The following CCDC91 variants were observed in gnomAD, a reference collection of about 807,000 sequenced individuals.
CCDC91 encodes the protein coiled-coil domain-containing protein 91.
CCDC91 carries 48 observed loss-of-function variants against 63.2 expected under a neutral mutation model. That is an observed-to-expected ratio of 0.76 (90% CI 0.60 to 0.97). CCDC91 has a LOEUF of 0.97. CCDC91 is among the 50% of genes least tolerant of loss of function. The pLI is 0.00. For synonymous variants in CCDC91, 167 were observed against 165.8 expected (o/e 1.01, Z -0.06); for missense variants, 500 against 494.6 (o/e 1.01, Z -0.10).
chr12:28,305,586 C>T (rs760194669), intron 3 of CCDC91, 63 bp from the exon 4 acceptor site: 24 of 1,382,000 alleles, frequency 1.7e-5, no homozygotes, highest in Non-Finnish European at 2.3e-5. Context: ...TCCTTTCAAC[C>T]TGTTCCCTCT....
intron 8 of CCDC91, among the ~76,000 whole-genome samples, chr12:28,413,373 C>A (rs1165703415): frequency 1.3e-5 from 2 of 151,908 alleles, no homozygotes; most frequent in Non-Finnish European, 2.9e-5. Context: ...CTTCTTGCCT[C>A]TTCTCCCTCC....
At chr12:28,400,790 C>T (rs369179064) in intron 8 of CCDC91, among the ~76,000 whole-genome samples, 3 of 152,152 alleles carry the variant, frequency 2.0e-5, no homozygotes, top group African/African-American at 4.8e-5. Context: ...GACAAAATGC[C>T]GCCAGTCTCT....
At position 28,374,249 on chromosome 12, in the gene CCDC91, A is replaced by G. The variant is rs542803918; in HGVS notation, c.654+11734A>G. 5.3e-5 allele frequency among the ~76,000 whole-genome samples: 8 copies of G among 152,290 alleles called. No homozygotes were observed. In the South Asian group the frequency reaches 1.7e-3, roughly 32 times the overall value. On this transcript the variant is annotated intron_variant, in intron 7 of 12. Coordinates refer to ENST00000536442, the MANE Select transcript of CCDC91 (RefSeq NM_018318.5). ...CAAAAATGATTATCCTGAGGTCAGT[A>G]TTATGAAAGACTCATGACATTCTCT... is the stretch of plus-strand genomic sequence containing the variant.
At chr12:28,450,080 A>G in intron 8 of CCDC91, 81 bp from the exon 9 acceptor site, 1 of 756,634 alleles carries the variant, frequency 1.3e-6, no homozygotes, top group Non-Finnish European at 2.1e-6. Context: ...TTTCTGGACA[A>G]ATGAATTCTA....
At chr12:28,491,677 A>C (rs1035620519) in intron 12 of CCDC91, among the ~76,000 whole-genome samples, 1 of 151,836 alleles carries the variant, frequency 6.6e-6, no homozygotes, top group Non-Finnish European at 1.5e-5. Context: ...AAGAATAAGC[A>C]AATTTATATA....
chr12:28,320,384 T>G (rs967323597), intron 6 of CCDC91, among the ~76,000 whole-genome samples: 10 of 151,880 alleles, frequency 6.6e-5, no homozygotes, highest in Non-Finnish European at 1.5e-4. Flanking sequence ...GTGAGTTTTT[T>G]CTTTTTTTTT....
At chr12:28,383,250 C>T in intron 7 of CCDC91, among the ~76,000 whole-genome samples, 1 of 152,110 alleles carries the variant, frequency 6.6e-6, no homozygotes, top group East Asian at 1.9e-4. Context: ...TAGATCTACA[C>T]CCATAAGTTA....
intron 1 of CCDC91, among the ~76,000 whole-genome samples, chr12:28,252,034 A>G (rs1592110170): frequency 1.3e-5 from 2 of 152,044 alleles, no homozygotes; most frequent in Non-Finnish European, 2.9e-5. Flanking sequence ...TCTTCCCTCA[A>G]TTATATGTTG....
intron 12 of CCDC91, among the ~76,000 whole-genome samples, chr12:28,541,006 A>G (rs1175688250): frequency 2.0e-5 from 3 of 152,126 alleles, no homozygotes; most frequent in Non-Finnish European, 4.4e-5. Context: ...GTCCTAGCCT[A>G]CAACTTGATT....
At chr12:28,384,407 A>T (rs973432235) in intron 7 of CCDC91, among the ~76,000 whole-genome samples, 36 of 152,246 alleles carry the variant, frequency 2.4e-4, no homozygotes, top group Non-Finnish European at 4.3e-4. Flanking sequence ...TATACAAAAA[A>T]GTTCATGCAT....
intron 1 of CCDC91, among the ~76,000 whole-genome samples, chr12:28,248,948 G>A (rs1945940420): frequency 6.6e-6 from 1 of 152,158 alleles, no homozygotes; most frequent in Admixed American, 6.5e-5. Context: ...GTAGGCAGAA[G>A]GGTTCCTTTT....
intron 2 of CCDC91, among the ~76,000 whole-genome samples, chr12:28,258,485 G>A (rs1946601816): frequency 6.6e-6 from 1 of 151,950 alleles, no homozygotes; most frequent in Non-Finnish European, 1.5e-5. Context: ...ATTCCTTTCA[G>A]TACTGCATAG....
At chr12:28,497,455 T>C (rs1259650906) in intron 12 of CCDC91, among the ~76,000 whole-genome samples, 15 of 151,594 alleles carry the variant, frequency 9.9e-5, no homozygotes, top group Non-Finnish European at 4.4e-5. Flanking sequence ...TATCACATCT[T>C]TGATGTTCTG....
chr12:28,323,439 CATATATACTTAGAT>C (rs1333115232), intron 6 of CCDC91, among the ~76,000 whole-genome samples: 2 of 151,712 alleles, frequency 1.3e-5, no homozygotes, highest in African/African-American at 4.8e-5. Flanking sequence ...ATTAAATTTC[CATATATACTTAGAT>C]ATATTCTAGA....
intron 1 of CCDC91, 73 bp from the exon 2 acceptor site, chr12:28,257,129 T>C (rs923819525): frequency 2.3e-6 from 2 of 873,258 alleles, no homozygotes; most frequent in Non-Finnish European, 3.8e-6. Flanking sequence ...TATGTATACA[T>C]TTAAGTTGGA....
intron 11 of CCDC91, among the ~76,000 whole-genome samples, chr12:28,454,150 A>G (rs1476853362): frequency 6.6e-6 from 1 of 152,174 alleles, no homozygotes; most frequent in East Asian, 1.9e-4. Context: ...TAAATTATAT[A>G]TCTCTGTATC....
At position 28,450,427 on chromosome 12, in the gene CCDC91, A is replaced by T. The variant is rs760593002; in HGVS notation, c.924+9A>T. On this transcript the variant is annotated intron_variant, in intron 10 of 12. Transcript: ENST00000536442. Reference sequence around the variant, plus strand: ...TAGTATCCGCTGCAAAGGTATTTCCATCTGTAATAGTGGGTTGCTTGTAAG... The same window carrying T: ...TAGTATCCGCTGCAAAGGTATTTCCTTCTGTAATAGTGGGTTGCTTGTAAG... The T allele has an allele frequency of 6.2e-7, 1 of 1,601,492 alleles. No individual in the cohort carries two copies. The highest frequency in any genetic ancestry group is 8.6e-7 in the Non-Finnish European group (1 of 1,169,014).
intron 8 of CCDC91, among the ~76,000 whole-genome samples, chr12:28,438,424 C>T (rs1949019795): frequency 6.6e-6 from 1 of 152,170 alleles, no homozygotes; most frequent in Non-Finnish European, 1.5e-5. Flanking sequence ...TCACCAGATA[C>T]AGAACCTAAC....
At chr12:28,320,763 T>A (rs1940414189) in intron 6 of CCDC91, among the ~76,000 whole-genome samples, 1 of 151,898 alleles carries the variant, frequency 6.6e-6, no homozygotes, top group African/African-American at 2.4e-5. Context: ...GGAGAAGACA[T>A]ATTCAGAGTT....
Sources: allele counts gnomAD v4.1 joint callset (sites outside exome capture counted in the v4.1 genomes callset), GRCh38; gene constraint gnomAD v4.1.1; transcripts MANE v1.5; gene names NCBI Gene and HGNC (gene_info 2026-07-23, HGNC 2026-07-21).